Variants in IL15 observed in about 807,000 individuals in gnomAD.
IL15 encodes the protein interleukin-15.
Under a neutral mutation model 19.6 loss-of-function variants are expected in IL15, and 11 were observed. The observed-to-expected ratio is 0.56, with a 90% CI of 0.35 to 0.93. IL15 has a LOEUF of 0.93. IL15 is among the 40% of genes least tolerant of loss of function. The probability of loss-of-function intolerance (pLI) is 0.01; values close to 1 mark genes in which losing one functional copy is unlikely to be tolerated. For synonymous variants in IL15, 58 were observed against 59.6 expected, an observed-to-expected ratio of 0.97 and a Z score of 0.12; for missense variants, 197 against 186.5, an observed-to-expected ratio of 1.06 and a Z score of -0.33.
intron 2 of IL15, among the ~76,000 whole-genome samples, chr4:141,675,944 T>C (rs930505557): frequency 2.0e-5 from 3 of 152,002 alleles, no homozygotes; most frequent in Non-Finnish European, 4.4e-5. Context: ...CCATTAAAAA[T>C]CATTAAATAG....
At chr4:141,690,777 A>T (rs976646500) in intron 2 of IL15, among the ~76,000 whole-genome samples, 4 of 151,700 alleles carry the variant, frequency 2.6e-5, no homozygotes, top group Admixed American at 2.6e-4. Context: ...ACATACTCCT[A>T]TTTTTTTCAT....
chr4:141,637,445 C>T (rs1216178242), intron 1 of IL15, among the ~76,000 whole-genome samples: 1 of 151,906 alleles, frequency 6.6e-6, no homozygotes, highest in East Asian at 1.9e-4. Flanking sequence ...AGCCAGTTAT[C>T]TCTTAGAGAA....
Position 141,648,533 on chromosome 4 carries a change from C to T in IL15, c.-221-7653C>T, listed in dbSNP as rs191125408. On this transcript the variant is annotated intron_variant, in intron 1 of 7. Coordinates refer to ENST00000320650, the MANE Select transcript of IL15 (RefSeq NM_000585.5). ...AAATTGTGTGAAAATAATAGTATTG[C>T]GGAAGTTTAATTTATTTAGTGTCTC... Among the ~76,000 whole-genome samples, 329 of 151,862 alleles carry T rather than the reference C, an allele frequency of 2.2e-3. 3 individuals are homozygous for T. Among genetic ancestry groups the T allele is most frequent in the African/African-American group, 7.6e-3 (316 of 41,438 alleles).
At chr4:141,707,442 G>A (rs991055118) in intron 2 of IL15, among the ~76,000 whole-genome samples, 16 of 151,992 alleles carry the variant, frequency 1.1e-4, no homozygotes, top group African/African-American at 3.9e-4. Flanking sequence ...TCCTTTGGGG[G>A]TATCATGTTT....
chr4:141,650,404 G>T (rs145380491), intron 1 of IL15, among the ~76,000 whole-genome samples: 323 of 152,130 alleles, frequency 2.1e-3, no homozygotes, highest in African/African-American at 7.4e-3. Flanking sequence ...TACATATGGA[G>T]GTGCAAGCCC....
intron 2 of IL15, among the ~76,000 whole-genome samples, chr4:141,702,241 G>T (rs774074105): frequency 6.6e-6 from 1 of 152,186 alleles, no homozygotes; most frequent in Non-Finnish European, 1.5e-5. Context: ...GTTCCATGGG[G>T]TGTTCTCTTG....
chr4:141,668,418 G>A (rs1285279090), intron 2 of IL15, among the ~76,000 whole-genome samples: 1 of 152,192 alleles, frequency 6.6e-6, no homozygotes. Context: ...GAAACTTCTG[G>A]ATTCCTTCCA....
chr4:141,696,351 A>G (rs1245550995), intron 2 of IL15, among the ~76,000 whole-genome samples: 2 of 152,030 alleles, frequency 1.3e-5, no homozygotes, highest in East Asian at 1.9e-4. Flanking sequence ...AGCATATTTC[A>G]GGTAGTATGA....
chr4:141,729,532 A>G (rs530105048), intron 6 of IL15, among the ~76,000 whole-genome samples: 3 of 152,204 alleles, frequency 2.0e-5, no homozygotes, highest in Non-Finnish European at 4.4e-5. Flanking sequence ...TTCAGACTCT[A>G]AGGCCAGTAT....
chr4:141,695,222 C>T (rs902982897), intron 2 of IL15, among the ~76,000 whole-genome samples: 1 of 150,956 alleles, frequency 6.6e-6, no homozygotes, highest in African/African-American at 2.4e-5. Flanking sequence ...TCTCCCAATC[C>T]TTCTAAGCCT....
intron 2 of IL15, among the ~76,000 whole-genome samples, chr4:141,708,518 C>T (rs1012755424): frequency 6.6e-6 from 1 of 152,118 alleles, no homozygotes; most frequent in Non-Finnish European, 1.5e-5. Context: ...GGATTCAAAA[C>T]CTATAAGGAC....
intron 2 of IL15, among the ~76,000 whole-genome samples, chr4:141,670,884 C>T (rs1013452981): frequency 6.6e-6 from 1 of 152,106 alleles, no homozygotes; most frequent in Non-Finnish European, 1.5e-5. Context: ...TATCTAAGTA[C>T]TAATTCAAGT....
intron 1 of IL15, among the ~76,000 whole-genome samples, chr4:141,647,942 A>G (rs1578986945): frequency 6.6e-6 from 1 of 152,146 alleles, no homozygotes; most frequent in South Asian, 2.1e-4. Flanking sequence ...AGATGAGAAG[A>G]ATTGTGATGG....
At chr4:141,662,319 G>A (rs1727819903) in intron 2 of IL15, among the ~76,000 whole-genome samples, 2 of 152,172 alleles carry the variant, frequency 1.3e-5, no homozygotes, top group African/African-American at 2.4e-5. Context: ...CGCAATGACG[G>A]TGAATTTGCC....
At chr4:141,709,649 T>C (rs1729648450) in intron 2 of IL15, among the ~76,000 whole-genome samples, 1 of 152,248 alleles carries the variant, frequency 6.6e-6, no homozygotes, top group Admixed American at 6.5e-5. Flanking sequence ...AAAAACTATG[T>C]TAAAATATTT....
intron 2 of IL15, among the ~76,000 whole-genome samples, chr4:141,687,989 G>A (rs899367408): frequency 5.3e-5 from 8 of 152,276 alleles, no homozygotes; most frequent in Admixed American, 4.6e-4. Context: ...TGGGAGTGCT[G>A]CTTGCTACTT....
intron 1 of IL15, 90 bp from the exon 2 acceptor site, chr4:141,656,096 C>T (rs1727584666): frequency 2.5e-6 from 1 of 395,740 alleles, no homozygotes; most frequent in Non-Finnish European, 4.5e-6. Flanking sequence ...ATAGCATGAT[C>T]AGGTATGTAG....
chr4:141,693,903 G>T (rs561655539), intron 2 of IL15, among the ~76,000 whole-genome samples: 12 of 152,196 alleles, frequency 7.9e-5, no homozygotes, highest in Non-Finnish European at 1.3e-4. Flanking sequence ...GTAGTTGGAA[G>T]AATTGGTGAG....
intron 2 of IL15, among the ~76,000 whole-genome samples, chr4:141,705,556 C>T (rs528583921): frequency 1.3e-5 from 2 of 151,858 alleles, no homozygotes; most frequent in African/African-American, 2.4e-5. Context: ...TGTACTCTGT[C>T]GGATGCAGTG....
Sources: allele counts gnomAD v4.1 joint callset (sites outside exome capture counted in the v4.1 genomes callset), GRCh38; gene constraint gnomAD v4.1.1; transcripts MANE v1.5; gene names NCBI Gene and HGNC (gene_info 2026-07-23, HGNC 2026-07-21).